Variants in CFHR5 observed in about 807,000 individuals in gnomAD.
CFHR5 encodes complement factor H related 5.
In CFHR5, 73 loss-of-function variants were observed where a neutral mutation model predicts 62.9. That is an observed-to-expected ratio of 1.16 (90% CI 0.96 to 1.41). The LOEUF (loss-of-function observed/expected upper bound fraction) is 1.41. Among genes scored for constraint, CFHR5 ranks in the 40% most tolerant of loss-of-function variants. CFHR5 has a pLI of 0.00. For synonymous variants in CFHR5, 249 were observed against 227.2 expected (o/e 1.10, Z -0.86); for missense variants, 779 against 679.9 (o/e 1.15, Z -1.62).
upstream of CFHR5, chr1:196,977,463 A>G: frequency 1.6e-6 from 1 of 624,148 alleles, no homozygotes; most frequent in Non-Finnish European, 2.9e-6. Flanking sequence ...ATTATTGTGA[A>G]GACACTGATT....
At chr1:196,999,605 A>C (rs1438635484) in intron 7 of CFHR5, among the ~76,000 whole-genome samples, 1 of 149,608 alleles carries the variant, frequency 6.7e-6, no homozygotes, top group Non-Finnish European at 1.5e-5. Context: ...TACGTAGTAA[A>C]ACCTATGAGA....
Position 196,996,214 on chromosome 1 carries a change from T to A in CFHR5, c.970+13T>A. 1 of 1,573,636 alleles carries A rather than the reference T, an allele frequency of 6.4e-7. No homozygotes were observed. Among genetic ancestry groups the A allele is most frequent in the Non-Finnish European group, 8.7e-7 (1 of 1,143,444 alleles). ...CCTATGTGTGTTGGTGAGAAAACAT[T>A]CCTAAACTTTATATTTGATTATTTA... On this transcript the variant is annotated intron_variant, in intron 6 of 9. Transcript: ENST00000256785.
chr1:196,994,227 G>T lies in CFHR5; in HGVS notation c.578G>T (p.Gly193Val). The change falls in exon 4 of 10, where the codon GGG becomes GTG. Residue 193 changes from glycine to valine, a missense_variant. By Grantham distance (109) the Gly-to-Val change is moderately radical. Coordinates refer to ENST00000256785, the MANE Select transcript of CFHR5 (RefSeq NM_030787.4). Reference protein sequence around the residue: ...GSDSVQCYQFGWSPNFPTCKG... With the variant: ...GSDSVQCYQFVWSPNFPTCKG... Reference sequence around the variant, plus strand: ...GACTCAGTTCAATGTTACCAATTTGGGTGGTCACCTAACTTTCCAACATGC... The same window carrying T: ...GACTCAGTTCAATGTTACCAATTTGTGTGGTCACCTAACTTTCCAACATGC... 6.2e-7 allele frequency: 1 copy of T among 1,613,556 alleles called. No homozygotes were observed. The highest frequency in any genetic ancestry group is 8.5e-7 in the Non-Finnish European group (1 of 1,179,702).
intron 3 of CFHR5, among the ~76,000 whole-genome samples, chr1:196,987,037 C>A (rs538105019): frequency 6.6e-5 from 10 of 152,206 alleles, no homozygotes; most frequent in African/African-American, 2.2e-4. Context: ...TCTGTTGTTC[C>A]CTGACTTTTT....
At chr1:197,007,495 C>A (rs534898152) in intron 9 of CFHR5, among the ~76,000 whole-genome samples, 4 of 150,938 alleles carry the variant, frequency 2.7e-5, no homozygotes, top group Non-Finnish European at 5.9e-5. Context: ...ACTAGGAGAT[C>A]GGCAAAAAGA....
At position 197,004,858 on chromosome 1, in the gene CFHR5, T is replaced by A. The variant is rs566384416; in HGVS notation, c.1513+15T>A. The A allele has an allele frequency of 8.2e-6, 13 of 1,580,928 alleles. No homozygotes were observed. The South Asian group carries it at 1.4e-4, about 17-fold the overall frequency. ...AAGATGCCTAGGTGAGTTCTTAATA[T>A]TCTCTTGGAATCTGAGATTTAATAT... On this transcript the variant is annotated intron_variant, in intron 9 of 9. Transcript: ENST00000256785.
At chr1:196,980,302 A>G (rs553003960) in intron 1 of CFHR5, among the ~76,000 whole-genome samples, 85 of 151,928 alleles carry the variant, frequency 5.6e-4, no homozygotes, top group Non-Finnish European at 8.7e-4. Context: ...ACTATAGTAC[A>G]TTAAATACAT....
chr1:196,995,784 G>A lies in CFHR5; in HGVS notation c.675G>A (p.Glu225=). The A allele has an allele frequency of 6.2e-7, 1 of 1,612,952 alleles. No homozygotes were observed. The highest frequency in any genetic ancestry group is 8.5e-7 in the Non-Finnish European group (1 of 1,179,124). Residue 225 remains glutamate, a synonymous_variant, in exon 5 of 10, where the codon GAG becomes GAA. Coordinates refer to ENST00000256785, the MANE Select transcript of CFHR5 (RefSeq NM_030787.4). ...SNGEVKEIRK[E]EYGHNEVVEY... is the part of the protein sequence containing the mutation. The stretch of plus-strand genomic sequence containing the variant: ...GTGAAGTTAAGGAGATAAGAAAAGA[G>A]GAATATGGACACAATGAAGTAGTGG...
At chr1:196,993,422 G>C (rs183497007) in intron 3 of CFHR5, among the ~76,000 whole-genome samples, 20 of 152,116 alleles carry the variant, frequency 1.3e-4, no homozygotes, top group Admixed American at 1.2e-3. Flanking sequence ...AGCCTCCCTA[G>C]TAGTTGGGAC....
Position 197,008,508 on chromosome 1 carries a change from A to C in CFHR5, c.1535A>C (p.Glu512Ala), listed in dbSNP as rs1654350005. 6.2e-7 allele frequency: 1 copy of C among 1,608,206 alleles called. No homozygotes were observed. Among genetic ancestry groups the C allele is most frequent in the Admixed American group, 1.7e-5 (1 of 59,864 alleles). Residue 512 changes from glutamate (E) to alanine (A), a missense_variant, in exon 10 of 10, where the codon GAA becomes GCA. Coordinates refer to ENST00000256785, the MANE Select transcript of CFHR5 (RefSeq NM_030787.4). Reference sequence around the variant, plus strand: ...TCAGATCCATGTGTGGTATCTGAAGAAAACATGAACAAAAATAACATACAG... The same window carrying C: ...TCAGATCCATGTGTGGTATCTGAAGCAAACATGAACAAAAATAACATACAG... ...RCLDPCVVSE[E>A]NMNKNNIQLK... is the part of the protein sequence containing the mutation.
At chr1:196,986,372 TTA>T (rs754322981) in intron 3 of CFHR5, among the ~76,000 whole-genome samples, 6 of 150,792 alleles carry the variant, frequency 4.0e-5, no homozygotes, top group South Asian at 4.2e-4. Flanking sequence ...TATTTTCTTT[TTA>T]TATATATATA....
intron 9 of CFHR5, among the ~76,000 whole-genome samples, chr1:197,005,482 A>G (rs1407657189): frequency 6.6e-6 from 1 of 152,036 alleles, no homozygotes; most frequent in East Asian, 1.9e-4. Context: ...AACATCGTAG[A>G]CTCCTTATGA....
intron 2 of CFHR5, among the ~76,000 whole-genome samples, chr1:196,983,536 T>C (rs1653598072): frequency 6.6e-6 from 1 of 152,132 alleles, no homozygotes; most frequent in Non-Finnish European, 1.5e-5. Context: ...ATATTAATCC[T>C]CCAATAAATG....
chr1:197,001,204 C>T (rs1654144330), intron 7 of CFHR5, among the ~76,000 whole-genome samples: 1 of 152,060 alleles, frequency 6.6e-6, no homozygotes, highest in Non-Finnish European at 1.5e-5. Context: ...ATAAAATACG[C>T]ATCAGTGGGC....
At chr1:196,999,212 AG>A (rs1354470480) in intron 7 of CFHR5, among the ~76,000 whole-genome samples, 1 of 152,002 alleles carries the variant, frequency 6.6e-6, no homozygotes, top group African/African-American at 2.4e-5. Context: ...TAAATACATA[AG>A]GATTTCAAAA....
At chr1:196,983,912 CT>C (rs202069780) in intron 2 of CFHR5, 48 bp from the exon 3 acceptor site, 8 of 1,335,570 alleles carry the variant, frequency 6.0e-6, no homozygotes, top group Admixed American at 1.8e-5. Context: ...TTTAAATGCA[CT>C]TTTTTTGCTA....
rs1653852123 is a variant in CFHR5 at position 196,991,739 on chromosome 1, C to T, written c.431-2341C>T. Among the ~76,000 whole-genome samples the T allele has an allele frequency of 3.3e-5, 5 of 152,308 alleles. No homozygotes were observed. In the South Asian group the frequency reaches 1.0e-3, roughly 32 times the overall value. On this transcript the variant is annotated intron_variant, in intron 3 of 9. Coordinates refer to ENST00000256785, the MANE Select transcript of CFHR5 (RefSeq NM_030787.4). ...ATTGCAGAACAGCAAATATTGCTGCCTGCTCCTTCCTCTGGAAGCTTCATC... is the reference window on the plus strand; with the variant it reads ...ATTGCAGAACAGCAAATATTGCTGCTTGCTCCTTCCTCTGGAAGCTTCATC...
chr1:196,992,530 A>G (rs1571519687), intron 3 of CFHR5, among the ~76,000 whole-genome samples: 1 of 152,050 alleles, frequency 6.6e-6, no homozygotes, highest in East Asian at 1.9e-4. Flanking sequence ...CATGGACTGC[A>G]CCCGCTGTCC....
chr1:196,988,434 C>G (rs565615995), intron 3 of CFHR5, among the ~76,000 whole-genome samples: 1 of 152,202 alleles, frequency 6.6e-6, no homozygotes, highest in South Asian at 2.1e-4. Flanking sequence ...GAGAGGGCAT[C>G]CCTGTCTTGT....
Sources: gnomAD v4.1 joint callset for allele counts (sites outside exome capture counted in the v4.1 genomes callset) on GRCh38, gnomAD v4.1.1 for gene constraint, MANE v1.5 for transcripts, NCBI Gene and HGNC (gene_info 2026-07-23, HGNC 2026-07-21) for gene names.